PGBD5: variants seen among roughly 807,000 people sequenced by gnomAD.
PGBD5 encodes the protein piggyBac transposable element derived 5.
A neutral mutation model predicts 47.9 loss-of-function variants in PGBD5; 14 were observed. The observed-to-expected ratio is 0.29, with a 90% confidence interval of 0.19 to 0.46. The LOEUF (loss-of-function observed/expected upper bound fraction) is 0.46, where lower values mean the gene tolerates loss of function less well. PGBD5 is among the 20% of genes least tolerant of loss of function. The probability of loss-of-function intolerance (pLI) is 1.00; values close to 1 mark genes in which losing one functional copy is unlikely to be tolerated. For missense variants in PGBD5, 635 were observed against 716.0 expected (o/e 0.89, Z 1.29); for synonymous variants, 316 against 306.3 (o/e 1.03, Z -0.33).
At chr1:230,384,706 C>A (rs376223803) in intron 1 of PGBD5, among the ~76,000 whole-genome samples, 5 of 152,206 alleles carry the variant, frequency 3.3e-5, no homozygotes, top group Non-Finnish European at 5.9e-5. Flanking sequence ...TTGACTCTCA[C>A]GACACCACGC....
At chr1:230,344,513 T>C (rs752133968) in intron 3 of PGBD5, among the ~76,000 whole-genome samples, 17 of 151,988 alleles carry the variant, frequency 1.1e-4, no homozygotes, top group Non-Finnish European at 2.4e-4. Flanking sequence ...CAACACACAC[T>C]CTGTAAGTGT....
intron 1 of PGBD5, among the ~76,000 whole-genome samples, chr1:230,364,424 C>G (rs917683124): frequency 1.3e-5 from 2 of 152,244 alleles, no homozygotes; most frequent in Admixed American, 1.3e-4. Context: ...TCTGAAGCTG[C>G]TAACCATTCC....
At chr1:230,374,408 C>T (rs1667981071) in intron 1 of PGBD5, among the ~76,000 whole-genome samples, 1 of 152,132 alleles carries the variant, frequency 6.6e-6, no homozygotes. Context: ...CAGAGTAAGA[C>T]TCCATCTCAA....
rs1442091113 is a variant in PGBD5, at chr1:230,320,495, C to T, written c.*2930G>A. 6.6e-6 allele frequency: 1 copy of T among 152,146 alleles called. No homozygotes were observed. Among genetic ancestry groups the T allele is most frequent in the African/African-American group, 2.4e-5 (1 of 41,394 alleles). 9.4% of individuals were successfully genotyped at this position (152,146 alleles called of 1,614,324 possible). A position where few individuals can be genotyped will look rare whatever the true frequency, so the allele number is the denominator to read the frequency against. On this transcript the variant is annotated 3_prime_UTR_variant, in exon 7 of 7. Coordinates refer to ENST00000391860, the MANE Select transcript of PGBD5 (RefSeq NM_001258311.2). ...TTCCAGAGCCTGCAGCAGAGACATC[C>T]CTCAGGGGATCGGCTTGGCTTAGTG...
intron 5 of PGBD5, among the ~76,000 whole-genome samples, chr1:230,330,892 AT>A (rs1667203059): frequency 6.6e-6 from 1 of 152,224 alleles, no homozygotes; most frequent in East Asian, 1.9e-4. Context: ...ATTTCAACAG[AT>A]TTAAAAATCA....
At chr1:230,389,783 C>T (rs182307645) in intron 1 of PGBD5, among the ~76,000 whole-genome samples, 258 of 152,258 alleles carry the variant, frequency 1.7e-3, no homozygotes, top group African/African-American at 6.0e-3. Context: ...AGCCTTATGC[C>T]AACTGGTCAA....
intron 1 of PGBD5, among the ~76,000 whole-genome samples, chr1:230,393,750 G>A (rs1258409287): frequency 1.3e-5 from 2 of 151,584 alleles, no homozygotes; most frequent in African/African-American, 2.4e-5. Context: ...GCGTGAACCC[G>A]GGAAGCGGAG....
intron 1 of PGBD5, among the ~76,000 whole-genome samples, chr1:230,379,366 G>A (rs1044595768): frequency 6.6e-6 from 1 of 152,182 alleles, no homozygotes; most frequent in Admixed American, 6.5e-5. Flanking sequence ...GCCCATTCCA[G>A]GATGCCGGCT....
chr1:230,421,885 CT>C (rs1338617514), intron 1 of PGBD5, among the ~76,000 whole-genome samples: 1 of 152,154 alleles, frequency 6.6e-6, no homozygotes. Flanking sequence ...TCACAAACCC[CT>C]TTAGAGCCAA....
intron 1 of PGBD5, among the ~76,000 whole-genome samples, chr1:230,397,968 A>G (rs778699209): frequency 5.3e-5 from 8 of 152,150 alleles, no homozygotes; most frequent in Non-Finnish European, 1.0e-4. Flanking sequence ...TGCCCTGGAG[A>G]AGGAGTCGTT....
chr1:230,412,641 G>C (rs934195808), intron 1 of PGBD5, among the ~76,000 whole-genome samples: 1 of 152,030 alleles, frequency 6.6e-6, no homozygotes, highest in Admixed American at 6.6e-5. Flanking sequence ...ACCCTCCTCG[G>C]CCTCCCAAAG....
intron 1 of PGBD5, among the ~76,000 whole-genome samples, chr1:230,414,492 A>G (rs970815485): frequency 1.3e-5 from 2 of 152,242 alleles, no homozygotes; most frequent in South Asian, 4.1e-4. Context: ...CTATACATTT[A>G]TAATACAAGG....
chr1:230,337,004 G>C (rs1400640787), intron 4 of PGBD5, 104 bp downstream of exon 4: 1 of 1,281,698 alleles, frequency 7.8e-7, no homozygotes, highest in Non-Finnish European at 1.1e-6. Context: ...GGCATCCTGT[G>C]GTTTGTGGTG....
At position 230,356,942 on chromosome 1, in the gene PGBD5, G is replaced by A. The variant is rs1417546523; in HGVS notation, c.711C>T (p.Asp237=). The A allele has an allele frequency of 6.2e-7, 1 of 1,614,076 alleles. No homozygotes were observed. Among genetic ancestry groups the A allele is most frequent in the Non-Finnish European group, 8.5e-7 (1 of 1,180,054 alleles). The change falls in exon 2 of 7, where the codon GAC becomes GAT. Residue 237 remains aspartate (D), a synonymous_variant. Coordinates refer to ENST00000391860, the MANE Select transcript of PGBD5 (RefSeq NM_001258311.2). The part of the protein sequence containing the change: ...HGLYKVQPFL[D]SLQNSFDSAF... The stretch of plus-strand genomic sequence containing the variant: ...CAGAGTCGAAGCTGTTCTGCAGGGA[G>A]TCGAGGAAGGGCTGGACCTTGTAGA...
chr1:230,317,968 C>T lies in PGBD5; in HGVS notation c.*5457G>A, dbSNP rs1448612651. 1.3e-5 allele frequency: 2 copies of T among 152,166 alleles called. No individual in the cohort carries two copies. The highest frequency in any genetic ancestry group is 1.3e-4 in the Admixed American group (2 of 15,282). The allele number at this position is 152,166 out of a possible 1,614,324, so 9.4% of individuals were successfully genotyped here. A position where few individuals can be genotyped will look rare whatever the true frequency, so the allele number is the denominator to read the frequency against. On this transcript the variant is annotated 3_prime_UTR_variant, in exon 7 of 7. Transcript: ENST00000391860. ...CACGGAAGGGTGAAGGTGCCCCACC[C>T]TCCCCGGAACACAGTTCACACAGAG...
In PGBD5 at chr1:230,323,600, G is replaced by C; in HGVS notation, c.1400C>G (p.Pro467Arg). 2.5e-6 allele frequency: 4 copies of C among 1,613,882 alleles called. No homozygotes were observed. Among genetic ancestry groups the C allele is most frequent in the Non-Finnish European group, 3.4e-6 (4 of 1,179,896 alleles). Residue 467 changes from proline (P) to arginine (R), a missense_variant, in exon 7 of 7, where the codon CCA (proline) becomes CGA (arginine). Transcript: ENST00000391860. The surrounding 1 kb of genome is among the most constrained non-coding windows in gnomAD (Gnocchi z 4.1). ...KYSKYFISHK[P>R]NKTWQQVFWF... ...GAACACCTGCTGCCAGGTCTTGTTT[G>C]GTTTATGAGAAATGAAATACCTGAG...
intron 1 of PGBD5, among the ~76,000 whole-genome samples, chr1:230,389,818 T>C (rs928486693): frequency 1.3e-5 from 2 of 152,204 alleles, no homozygotes; most frequent in Non-Finnish European, 2.9e-5. Context: ...ATACACTATT[T>C]AGAATGTATA....
At chr1:230,381,165 G>T (rs1170715187) in intron 1 of PGBD5, among the ~76,000 whole-genome samples, 2 of 152,240 alleles carry the variant, frequency 1.3e-5, no homozygotes, top group Non-Finnish European at 2.9e-5. Context: ...AAACAAGGTT[G>T]CGAAATTTAC....
chr1:230,327,344 C>G (rs937081089), intron 5 of PGBD5, among the ~76,000 whole-genome samples: 3 of 152,184 alleles, frequency 2.0e-5, no homozygotes, highest in African/African-American at 7.2e-5. Flanking sequence ...CAGCCCCCTC[C>G]CACCCCCACA....
Sources: allele counts gnomAD v4.1 joint callset (sites outside exome capture counted in the v4.1 genomes callset), GRCh38; gene constraint gnomAD v4.1.1; non-coding constraint Gnocchi (gnomAD v3.1); transcripts MANE v1.5; gene names NCBI Gene and HGNC (gene_info 2026-07-23, HGNC 2026-07-21).